The following ADGRV1 variants were observed in gnomAD, a reference collection of about 807,000 sequenced individuals.
The protein encoded by ADGRV1 is adhesion G protein-coupled receptor V1, also known as G-protein coupled receptor 98.
In ADGRV1, 359 loss-of-function variants were observed where a neutral mutation model predicts 596.2. The ratio of observed to expected loss-of-function variants is 0.60; its 90% CI spans 0.55 to 0.66. The LOEUF (loss-of-function observed/expected upper bound fraction) is 0.66, where lower values mean the gene tolerates loss of function less well. ADGRV1 is among the 30% of genes least tolerant of loss of function. ADGRV1 has a pLI of 0.00. For synonymous variants in ADGRV1, 2,681 were observed against 2,679.2 expected (o/e 1.00, Z -0.02); for missense variants, 7,274 against 7,575.6 (o/e 0.96, Z 1.48).
At chr5:90,918,915 A>C (rs537239429) in intron 83 of ADGRV1, among the ~76,000 whole-genome samples, 3 of 152,298 alleles carry the variant, frequency 2.0e-5, no homozygotes, top group African/African-American at 7.2e-5. Flanking sequence ...CACAGTGTGC[A>C]TAACCCAGAG....
At chr5:91,064,756 A>G (rs900549346) in intron 85 of ADGRV1, among the ~76,000 whole-genome samples, 5 of 152,220 alleles carry the variant, frequency 3.3e-5, no homozygotes, top group Non-Finnish European at 7.3e-5. Flanking sequence ...ACAACTGTTT[A>G]AACCCAAGCT....
intron 83 of ADGRV1, among the ~76,000 whole-genome samples, chr5:90,923,697 G>A (rs1000580663): frequency 2.6e-5 from 4 of 152,052 alleles, no homozygotes; most frequent in African/African-American, 9.7e-5. Context: ...AGTTACATAT[G>A]TATACATGTG....
At chr5:90,645,833 G>T in intron 15 of ADGRV1, 135 bp from the exon 16 acceptor site, 1 of 593,022 alleles carries the variant, frequency 1.7e-6, no homozygotes, top group Non-Finnish European at 2.5e-6. Context: ...GTTAGGGGAA[G>T]TTCTGCCTCC....
At chr5:90,622,189 A>G (rs1043399239) in intron 4 of ADGRV1, among the ~76,000 whole-genome samples, 5 of 152,194 alleles carry the variant, frequency 3.3e-5, no homozygotes, top group Admixed American at 6.5e-5. Context: ...ATGTGGAGAA[A>G]GAGTGGTTGT....
intron 17 of ADGRV1, among the ~76,000 whole-genome samples, chr5:90,648,782 C>T (rs561471286): frequency 2.6e-5 from 4 of 152,258 alleles, no homozygotes; most frequent in South Asian, 2.1e-4. Flanking sequence ...AAACTATTAT[C>T]CTGTGAGGAA....
At chr5:90,594,294 T>C (rs1183987568) in intron 1 of ADGRV1, among the ~76,000 whole-genome samples, 1 of 151,800 alleles carries the variant, frequency 6.6e-6, no homozygotes, top group Non-Finnish European at 1.5e-5. Flanking sequence ...CTCATGATAG[T>C]GAGTGAGTTC....
At chr5:91,100,342 T>C (rs1202562885) in intron 86 of ADGRV1, among the ~76,000 whole-genome samples, 1 of 152,084 alleles carries the variant, frequency 6.6e-6, no homozygotes, top group East Asian at 1.9e-4. Context: ...CAGGATGGCT[T>C]GAGCCCAGGA....
At chr5:90,805,155 C>T in intron 71 of ADGRV1, 129 bp from the exon 72 acceptor site, 2 of 541,664 alleles carry the variant, frequency 3.7e-6, no homozygotes, top group Non-Finnish European at 5.9e-6. Flanking sequence ...TTAAGCACTT[C>T]TCTTTAATTC....
chr5:90,727,213 G>A (rs554040834), intron 48 of ADGRV1, among the ~76,000 whole-genome samples: 41 of 152,116 alleles, frequency 2.7e-4, no homozygotes, highest in Non-Finnish European at 4.1e-4. Flanking sequence ...TTAGCCTCCC[G>A]GGTGGCTGGG....
In ADGRV1 at chr5:90,815,680, C is replaced by A; in HGVS notation, c.16140C>A (p.Leu5380=). The A allele has an allele frequency of 6.3e-7, 1 of 1,580,050 alleles. No individual in the cohort carries two copies. The highest frequency in any genetic ancestry group is 1.3e-5 in the African/African-American group (1 of 74,348). Residue 5380 remains leucine (L), a synonymous_variant, in exon 75 of 90, where the codon CTC becomes CTA. Transcript: ENST00000405460. Reference sequence around the variant, plus strand: ...AGGAGTCCCAGAGTGGACTAGAACTCAGGGAAGGAGCTGTTATGAGAAGAT... The same window carrying A: ...AGGAGTCCCAGAGTGGACTAGAACTAAGGGAAGGAGCTGTTATGAGAAGAT... The part of the protein sequence containing the change: ...FSEESQSGLE[L]REGAVMRRLH...
At chr5:91,088,657 C>A (rs1729978710) in intron 86 of ADGRV1, among the ~76,000 whole-genome samples, 1 of 152,014 alleles carries the variant, frequency 6.6e-6, no homozygotes, top group Admixed American at 6.6e-5. Context: ...AAAATGGAAG[C>A]ATGTAGTTAT....
chr5:90,801,152 C>T (rs1055945197), intron 70 of ADGRV1, among the ~76,000 whole-genome samples: 1 of 152,092 alleles, frequency 6.6e-6, no homozygotes, highest in Non-Finnish European at 1.5e-5. Context: ...AATGGAAGAG[C>T]GTATTGAGAA....
At chr5:90,659,038 A>G (rs1257529821) in intron 21 of ADGRV1, among the ~76,000 whole-genome samples, 1 of 152,204 alleles carries the variant, frequency 6.6e-6, no homozygotes, top group African/African-American at 2.4e-5. Context: ...AGAGTTTGAA[A>G]AAAAATCTAG....
intron 84 of ADGRV1, among the ~76,000 whole-genome samples, chr5:90,979,060 CT>C (rs1779866514): frequency 6.6e-6 from 1 of 151,678 alleles, no homozygotes; most frequent in South Asian, 2.1e-4. Flanking sequence ...CTTTTTACTT[CT>C]ACAAGTAAAA....
At chr5:91,034,625 A>G (rs897926732) in intron 85 of ADGRV1, among the ~76,000 whole-genome samples, 1 of 152,022 alleles carries the variant, frequency 6.6e-6, no homozygotes, top group Non-Finnish European at 1.5e-5. Flanking sequence ...CTTTCCCTGT[A>G]TTATCTCTCT....
rs776086477 is a variant in ADGRV1, at chr5:90,706,351, A to C, written c.8687A>C (p.Glu2896Ala). 4.3e-6 allele frequency: 7 copies of C among 1,612,640 alleles called. No homozygotes were observed. Residue 2896 changes from glutamate to alanine, a missense_variant, in exon 38 of 90, where the codon GAA (glutamate) becomes GCA (alanine). Physicochemically the swap from Glu to Ala is moderately radical, Grantham distance 107. This residue lies in a region of ADGRV1 where 3,643 missense variants were observed against 3,809.2 expected (regional missense o/e 0.96). Coordinates refer to ENST00000405460, the MANE Select transcript of ADGRV1 (RefSeq NM_032119.4). ...FVPIIGFLIL[E>A]EGETAAAINI... is the part of the protein sequence containing the mutation. ...CCTATCATTGGCTTTCTGATTTTAG[A>C]AGAAGGGGAAACAGCAGCAGCCATC...
chr5:91,142,074 A>G (rs1181148473), intron 87 of ADGRV1, among the ~76,000 whole-genome samples: 2 of 152,218 alleles, frequency 1.3e-5, no homozygotes, highest in Non-Finnish European at 1.5e-5. Flanking sequence ...CTAAGCTGAA[A>G]CAAAAGTAGT....
intron 83 of ADGRV1, among the ~76,000 whole-genome samples, chr5:90,962,766 C>T (rs1199188472): frequency 6.6e-6 from 1 of 152,128 alleles, no homozygotes; most frequent in Non-Finnish European, 1.5e-5. Flanking sequence ...GAACAACTTT[C>T]ATGATTTACA....
At chr5:90,878,176 G>A (rs946873391) in intron 83 of ADGRV1, among the ~76,000 whole-genome samples, 2 of 152,188 alleles carry the variant, frequency 1.3e-5, no homozygotes, top group Non-Finnish European at 2.9e-5. Context: ...ATAGACTTCC[G>A]TCAGAATTGG....
Sources: gnomAD v4.1 joint callset for allele counts (sites outside exome capture counted in the v4.1 genomes callset) on GRCh38, gnomAD v4.1.1 for gene constraint, gnomAD v4.1.1 regional missense constraint, MANE v1.5 for transcripts, NCBI Gene and HGNC (gene_info 2026-07-23, HGNC 2026-07-21) for gene names.